The following OPCML variants were observed in gnomAD, a reference collection of about 807,000 sequenced individuals.
OPCML encodes the protein opioid binding protein/cell adhesion molecule like, also known as opioid-binding protein/cell adhesion molecule.
A neutral mutation model predicts 37.8 loss-of-function variants in OPCML; 13 were observed. The ratio of observed to expected loss-of-function variants is 0.34; its 90% CI spans 0.22 to 0.55. The LOEUF (loss-of-function observed/expected upper bound fraction) is 0.55. Among genes scored for constraint, OPCML ranks in the 20% least tolerant of loss-of-function variants. The pLI, the probability that OPCML is intolerant of heterozygous loss-of-function variation, is 0.91. For synonymous variants in OPCML, 176 were observed against 168.8 expected, an observed-to-expected ratio of 1.04 and a Z score of -0.33; for missense variants, 341 against 435.6, an observed-to-expected ratio of 0.78 and a Z score of 1.93.
At chr11:133,404,737 T>A (rs1209909339) in intron 1 of OPCML, among the ~76,000 whole-genome samples, 2 of 152,200 alleles carry the variant, frequency 1.3e-5, no homozygotes, top group African/African-American at 4.8e-5. Flanking sequence ...TTTATTTTAT[T>A]CAATTCAAAG....
intron 3 of OPCML, among the ~76,000 whole-genome samples, chr11:132,535,818 A>T (rs1455555289): frequency 6.6e-6 from 1 of 152,008 alleles, no homozygotes; most frequent in East Asian, 1.9e-4. Flanking sequence ...AGTGTTCATG[A>T]CACCTGCTTA....
chr11:132,715,844 G>A (rs1944454854), intron 2 of OPCML, among the ~76,000 whole-genome samples: 1 of 152,108 alleles, frequency 6.6e-6, no homozygotes, highest in South Asian at 2.1e-4. Flanking sequence ...TAGTCTACTG[G>A]GATAATGATA....
At chr11:133,520,024 T>G (rs1311590597) in intron 1 of OPCML, among the ~76,000 whole-genome samples, 5 of 152,090 alleles carry the variant, frequency 3.3e-5, no homozygotes, top group Non-Finnish European at 7.4e-5. Flanking sequence ...TTATGAATAT[T>G]AAGACATAAT....
intron 4 of OPCML, among the ~76,000 whole-genome samples, chr11:132,522,543 C>A (rs1416499811): frequency 2.0e-5 from 3 of 152,196 alleles, no homozygotes; most frequent in Non-Finnish European, 2.9e-5. Context: ...AAATATGGCA[C>A]AACTACAGTT....
intron 3 of OPCML, among the ~76,000 whole-genome samples, chr11:132,554,732 C>T (rs2096390318): frequency 6.6e-6 from 1 of 152,042 alleles, no homozygotes; most frequent in African/African-American, 2.4e-5. Flanking sequence ...AGGAGTTTGC[C>T]TAATACAAAG....
At chr11:132,745,441 G>A (rs975892305) in intron 2 of OPCML, among the ~76,000 whole-genome samples, 1 of 150,894 alleles carries the variant, frequency 6.6e-6, no homozygotes, top group African/African-American at 2.5e-5. Context: ...TTAAGCACTT[G>A]TCAGTTGATG....
chr11:133,283,376 C>A (rs1414396887), intron 1 of OPCML, among the ~76,000 whole-genome samples: 1 of 151,462 alleles, frequency 6.6e-6, no homozygotes, highest in East Asian at 1.9e-4. Context: ...CCTCCCCCAC[C>A]CCTTGTTCCT....
intron 1 of OPCML, among the ~76,000 whole-genome samples, chr11:133,094,457 A>C (rs1325734692): frequency 6.6e-6 from 1 of 152,186 alleles, no homozygotes; most frequent in Non-Finnish European, 1.5e-5. Flanking sequence ...TTGCTTTGCA[A>C]ATCATTCCAG....
intron 2 of OPCML, among the ~76,000 whole-genome samples, chr11:132,687,405 T>TAC (rs1565776255): frequency 1.0e-5 from 1 of 96,000 alleles, no homozygotes; most frequent in African/African-American, 6.3e-5. Flanking sequence ...TATATATATA[T>TAC]ATATATATAT....
At chr11:132,742,511 A>G (rs1187936866) in intron 2 of OPCML, among the ~76,000 whole-genome samples, 1 of 152,050 alleles carries the variant, frequency 6.6e-6, no homozygotes, top group Non-Finnish European at 1.5e-5. Context: ...TGGAGTTCCC[A>G]GACACCAGAT....
chr11:133,400,633 T>C (rs966861402), intron 1 of OPCML, among the ~76,000 whole-genome samples: 6 of 152,186 alleles, frequency 3.9e-5, no homozygotes, highest in African/African-American at 1.4e-4. Context: ...CAATAATAAA[T>C]TTAAAATTAA....
chr11:133,302,540 C>T (rs1942806919), intron 1 of OPCML: 1 of 152,206 alleles, frequency 6.6e-6, no homozygotes, highest in African/African-American at 2.4e-5. Flanking sequence ...GGTGTGTGAA[C>T]ACATGTAGGA....
At chr11:132,877,914 T>C (rs540764229) in intron 2 of OPCML, among the ~76,000 whole-genome samples, 1 of 152,342 alleles carries the variant, frequency 6.6e-6, no homozygotes, top group East Asian at 1.9e-4. Context: ...ATTTTCTTTT[T>C]CCCTGACAAA....
At chr11:132,801,295 G>T (rs577960728) in intron 2 of OPCML, among the ~76,000 whole-genome samples, 1 of 152,220 alleles carries the variant, frequency 6.6e-6, no homozygotes, top group Non-Finnish European at 1.5e-5. Context: ...TCTAGCTAAA[G>T]GCTTGTCAAT....
chr11:133,043,663 AT>A (rs1335963661), intron 1 of OPCML, among the ~76,000 whole-genome samples: 1 of 152,108 alleles, frequency 6.6e-6, no homozygotes, highest in Non-Finnish European at 1.5e-5. Context: ...CTCCTCATGC[AT>A]TTTTTGTCCA....
intron 4 of OPCML, among the ~76,000 whole-genome samples, chr11:132,453,451 C>T (rs2096073634): frequency 6.6e-6 from 1 of 152,182 alleles, no homozygotes; most frequent in Non-Finnish European, 1.5e-5. Context: ...GGGGCATCCC[C>T]AGGGCCGGGT....
At chr11:133,207,904 G>A (rs895450112) in intron 1 of OPCML, among the ~76,000 whole-genome samples, 4 of 133,726 alleles carry the variant, frequency 3.0e-5, no homozygotes, top group Non-Finnish European at 4.4e-5. Flanking sequence ...CCTGTAACAC[G>A]CTCTGTTTTA....
At chr11:132,662,771 T>C (rs1196608185) in intron 2 of OPCML, among the ~76,000 whole-genome samples, 1 of 152,166 alleles carries the variant, frequency 6.6e-6, no homozygotes, top group Non-Finnish European at 1.5e-5. Flanking sequence ...TGTCCGAAAA[T>C]TGTGTCTAAC....
At chr11:133,165,075 A>AGGT (rs1298575699) in intron 1 of OPCML, among the ~76,000 whole-genome samples, 1 of 152,242 alleles carries the variant, frequency 6.6e-6, no homozygotes, top group Non-Finnish European at 1.5e-5. Context: ...TTAAGGGGGA[A>AGGT]GGTACTCAGA....
Sources: allele counts gnomAD v4.1 joint callset (sites outside exome capture counted in the v4.1 genomes callset), GRCh38; gene constraint gnomAD v4.1.1; transcripts MANE v1.5; gene names NCBI Gene and HGNC (gene_info 2026-07-23, HGNC 2026-07-21).